The following C10orf67 variants were observed in gnomAD, a reference collection of about 807,000 sequenced individuals.
The protein encoded by C10orf67 is uncharacterized protein C10orf67, mitochondrial.
A neutral mutation model predicts 35.6 loss-of-function variants in C10orf67; 60 were observed. That is an observed-to-expected ratio of 1.68 (90% confidence interval 1.37 to 2.09). The LOEUF is 2.09. Among genes scored for constraint, C10orf67 ranks in the 30% most tolerant of loss-of-function variants. C10orf67 has a pLI of 0.00. For missense variants in C10orf67, 474 were observed against 330.2 expected (o/e 1.44, Z -3.38); for synonymous variants, 167 against 115.8 (o/e 1.44, Z -2.84).
intron 13 of C10orf67, among the ~76,000 whole-genome samples, chr10:23,234,314 A>G (rs558491992): frequency 1.3e-4 from 20 of 152,370 alleles, no homozygotes; most frequent in South Asian, 8.3e-4. Context: ...AAAATGTGGT[A>G]CATACACACC....
At chr10:23,241,377 A>G (rs1485817374) in intron 12 of C10orf67, among the ~76,000 whole-genome samples, 1 of 152,178 alleles carries the variant, frequency 6.6e-6, no homozygotes, top group Non-Finnish European at 1.5e-5. Context: ...AGCTGATAAC[A>G]CTTAGATGAA....
chr10:23,334,509 C>T (rs61708569), intron 1 of C10orf67, among the ~76,000 whole-genome samples: 6 of 152,242 alleles, frequency 3.9e-5, no homozygotes, highest in Non-Finnish European at 7.3e-5. Context: ...TACCCCCATG[C>T]GGGGCACCCC....
At position 23,344,776 on chromosome 10, in the gene C10orf67, A is replaced by AT. The variant is rs1846082661; in HGVS notation, c.-3dup. 4 of 1,556,858 alleles carry AT rather than the reference A, an allele frequency of 2.6e-6. No homozygotes were observed. The highest frequency in any genetic ancestry group is 2.4e-5 in the South Asian group (2 of 84,284). ...CCTGCGATCCCGGACCAAGGCCATC[A>AT]TAAGAGGAGAGCAGGCTGCCTAATA... On this transcript the variant is annotated 5_prime_UTR_variant, in exon 1 of 16. The change creates a new upstream start codon in the 5' untranslated region. Transcript: ENST00000636213.
At position 23,223,913 on chromosome 10, in the gene C10orf67, A is replaced by C. The variant is rs1264460264; in HGVS notation, c.1435-95T>G. ...GTTCTCCAGCCTTTAGTTGACCAAGATATGGAAACTATGCTTGTCACTTAT... is the reference window on the plus strand; with the variant it reads ...GTTCTCCAGCCTTTAGTTGACCAAGCTATGGAAACTATGCTTGTCACTTAT... On this transcript the variant is annotated intron_variant, in intron 13 of 15. Coordinates refer to ENST00000636213, the MANE Select transcript of C10orf67 (RefSeq NM_001371909.1). 64 of 675,088 alleles carry C rather than the reference A, an allele frequency of 9.5e-5. 1 individual carries two copies. The highest frequency in any genetic ancestry group is 7.4e-4 in the South Asian group (45 of 60,800). 41.8% of individuals were successfully genotyped at this position (675,088 alleles called of 1,614,324 possible).
intron 1 of C10orf67, among the ~76,000 whole-genome samples, chr10:23,340,410 G>A (rs1004293586): frequency 6.6e-6 from 1 of 151,468 alleles, no homozygotes. Context: ...GCTCCACCTA[G>A]TCAGGAGGCT....
intron 8 of C10orf67, among the ~76,000 whole-genome samples, chr10:23,281,182 G>C (rs1292772217): frequency 6.6e-6 from 1 of 152,122 alleles, no homozygotes; most frequent in African/African-American, 2.4e-5. Flanking sequence ...CAGGAGAATT[G>C]TTTTGCATTA....
intron 1 of C10orf67, among the ~76,000 whole-genome samples, chr10:23,341,460 A>T (rs1044493000): frequency 6.6e-6 from 1 of 152,190 alleles, no homozygotes; most frequent in Non-Finnish European, 1.5e-5. Flanking sequence ...GGAATATTGT[A>T]ATAGTCTCCT....
chr10:23,275,324 A>G (rs536812675), intron 8 of C10orf67, among the ~76,000 whole-genome samples: 1 of 152,248 alleles, frequency 6.6e-6, no homozygotes, highest in Admixed American at 6.5e-5. Context: ...ATCTCTTAAA[A>G]ACAAGCAAAC....
At chr10:23,212,806 AG>A in intron 15 of C10orf67, among the ~76,000 whole-genome samples, 1 of 151,770 alleles carries the variant, frequency 6.6e-6, no homozygotes, top group African/African-American at 2.4e-5. Context: ...AGAGAGAGAG[AG>A]AGAGAGAGAG....
chr10:23,216,654 G>T (rs1299762241), intron 15 of C10orf67, among the ~76,000 whole-genome samples: 1 of 151,956 alleles, frequency 6.6e-6, no homozygotes, highest in Non-Finnish European at 1.5e-5. Flanking sequence ...TAAAATAAAT[G>T]AACTCAAGCT....
intron 1 of C10orf67, among the ~76,000 whole-genome samples, chr10:23,341,998 C>G (rs1047434282): frequency 6.6e-6 from 1 of 151,982 alleles, no homozygotes; most frequent in Non-Finnish European, 1.5e-5. Context: ...ACAGCAAGAC[C>G]CTGTATTAAA....
At chr10:23,223,998 T>C (rs1841662110) in intron 13 of C10orf67, among the ~76,000 whole-genome samples, 180 bp from the exon 14 acceptor site, 1 of 152,234 alleles carries the variant, frequency 6.6e-6, no homozygotes, top group African/African-American at 2.4e-5. Context: ...AGCCTCTTTC[T>C]TCTTCAGACC....
intron 8 of C10orf67, among the ~76,000 whole-genome samples, chr10:23,268,729 T>C (rs933459120): frequency 1.3e-5 from 2 of 152,268 alleles, no homozygotes; most frequent in Admixed American, 1.3e-4. Flanking sequence ...AATTTTATCA[T>C]GTGCATACAT....
intron 2 of C10orf67, among the ~76,000 whole-genome samples, chr10:23,331,306 AAGAGGGAAGAGGGAAGGGAAG>A (rs1845463866): frequency 9.3e-5 from 1 of 10,720 alleles, no homozygotes; most frequent in African/African-American, 1.0e-3. Flanking sequence ...AAGGGAAGGG[AAGAGGGAAGAGGGAAGGGAAG>A]AGGGAAGGGA....
At chr10:23,227,455 T>C (rs980094444) in intron 13 of C10orf67, among the ~76,000 whole-genome samples, 5 of 152,164 alleles carry the variant, frequency 3.3e-5, no homozygotes, top group African/African-American at 1.2e-4. Flanking sequence ...ATAAGAGCTA[T>C]TTATGACAAA....
At chr10:23,320,268 A>G (rs1448187538) in intron 4 of C10orf67, among the ~76,000 whole-genome samples, 1 of 152,250 alleles carries the variant, frequency 6.6e-6, no homozygotes, top group African/African-American at 2.4e-5. Flanking sequence ...TGCTAAACAA[A>G]GCACAGAGTC....
chr10:23,341,989 C>G lies in C10orf67; in HGVS notation c.206+2580G>C, dbSNP rs143007970. On this transcript the variant is annotated intron_variant, in intron 1 of 15. Coordinates refer to ENST00000636213, the MANE Select transcript of C10orf67 (RefSeq NM_001371909.1). ...GAGTTTGAGACCAGCCTGGGCAACACAGCAAGACCCTGTATTAAAAATAAA... is the reference window on the plus strand; with the variant it reads ...GAGTTTGAGACCAGCCTGGGCAACAGAGCAAGACCCTGTATTAAAAATAAA... 2.4e-3 allele frequency among the ~76,000 whole-genome samples: 370 copies of G among 152,140 alleles called. 3 individuals are homozygous for G. The highest frequency in any genetic ancestry group is 8.7e-3 in the African/African-American group (359 of 41,472).
chr10:23,284,658 C>T (rs1038275861), intron 7 of C10orf67, among the ~76,000 whole-genome samples: 2 of 152,032 alleles, frequency 1.3e-5, no homozygotes, highest in Non-Finnish European at 2.9e-5. Context: ...TGCACTCCAT[C>T]GCAGGCAACA....
chr10:23,333,148 A>G lies in C10orf67; in HGVS notation c.241T>C (p.Phe81Leu). 1 of 1,608,010 alleles carries G rather than the reference A, an allele frequency of 6.2e-7. No individual in the cohort carries two copies. The highest frequency in any genetic ancestry group is 8.5e-7 in the Non-Finnish European group (1 of 1,175,664). The change falls in exon 2 of 16, where the codon TTC becomes CTC. Residue 81 changes from phenylalanine (F) to leucine (L), a missense_variant. Physicochemically the swap from Phe to Leu is conservative, Grantham distance 22. Transcript: ENST00000636213. ...NISDDLKIGF[F>L]STDHATQTDS... is the part of the protein sequence containing the mutation. ...GTTTGAGTGGCATGGTCTGTGCTGAAAAAGCCAATCTTTAAATCATCTGAA... is the reference window on the plus strand; with the variant it reads ...GTTTGAGTGGCATGGTCTGTGCTGAGAAAGCCAATCTTTAAATCATCTGAA...
Sources: gnomAD v4.1 joint callset for allele counts (sites outside exome capture counted in the v4.1 genomes callset) on GRCh38, gnomAD v4.1.1 for gene constraint, MANE v1.5 for transcripts, NCBI Gene and HGNC (gene_info 2026-07-23, HGNC 2026-07-21) for gene names.